Variants in NXPE1 observed in about 807,000 individuals in gnomAD.
The protein encoded by NXPE1 is neurexophilin and PC-esterase domain family member 1.
NXPE1 carries 31 observed loss-of-function variants against 33.3 expected under a neutral mutation model. The observed-to-expected ratio is 0.93, with a 90% CI of 0.70 to 1.26. The LOEUF (loss-of-function observed/expected upper bound fraction) is 1.26. Ranked by LOEUF, NXPE1 falls within the 50% of genes most tolerant of loss-of-function variation. The probability of loss-of-function intolerance (pLI) is 0.00; values close to 1 mark genes in which losing one functional copy is unlikely to be tolerated. For missense variants in NXPE1, 661 were observed against 655.6 expected, an observed-to-expected ratio of 1.01 and a Z score of -0.09; for synonymous variants, 229 against 231.4, an observed-to-expected ratio of 0.99 and a Z score of 0.09.
At chr11:114,545,241 T>C (rs1948234579) in intron 5 of NXPE1, among the ~76,000 whole-genome samples, 1 of 152,242 alleles carries the variant, frequency 6.6e-6, no homozygotes, top group Non-Finnish European at 1.5e-5. Context: ...TGAATGCTTA[T>C]GTCCACACAA....
chr11:114,530,951 C>A, intron 5 of NXPE1, 43 bp from the exon 6 acceptor site: 3 of 1,506,616 alleles, frequency 2.0e-6, no homozygotes, highest in Non-Finnish European at 2.6e-6. Flanking sequence ...ATTAACCTGT[C>A]TAATCATTTT....
chr11:114,549,097 AC>A (rs1195315925), intron 5 of NXPE1, among the ~76,000 whole-genome samples: 2 of 151,968 alleles, frequency 1.3e-5, no homozygotes, highest in East Asian at 3.9e-4. Context: ...GACCTGAGTG[AC>A]ATTAAAAAAA....
At chr11:114,519,735 G>A (rs1018167974), downstream of NXPE1, among the ~76,000 whole-genome samples, 2 of 152,076 alleles carry the variant, frequency 1.3e-5, no homozygotes, top group African/African-American at 2.4e-5. Flanking sequence ...TATTTGTCTT[G>A]TGTGTGGGAC....
At chr11:114,536,344 T>C (rs1947823158) in intron 5 of NXPE1, among the ~76,000 whole-genome samples, 1 of 151,858 alleles carries the variant, frequency 6.6e-6, no homozygotes, top group African/African-American at 2.4e-5. Context: ...AGATGAAAAA[T>C]TGACACCCTA....
At chr11:114,550,787 G>A (rs1948453048) in intron 5 of NXPE1, among the ~76,000 whole-genome samples, 1 of 152,094 alleles carries the variant, frequency 6.6e-6, no homozygotes, top group Admixed American at 6.6e-5. Flanking sequence ...ATGACAAGCT[G>A]GATTTACATG....
intron 7 of NXPE1, 91 bp from the exon 8 acceptor site, chr11:114,523,182 C>T: frequency 2.2e-6 from 2 of 905,218 alleles, no homozygotes; most frequent in Non-Finnish European, 3.5e-6. Context: ...GCTCTCTTTC[C>T]CCCTTCCTGT....
At chr11:114,553,878 G>C (rs1342790566) in intron 1 of NXPE1, 1 of 965,950 alleles carries the variant, frequency 1.0e-6, no homozygotes, top group Non-Finnish European at 1.2e-6. Context: ...GCCATGATGG[G>C]TACATTTAGA....
chr11:114,549,271 C>T (rs1455652), intron 5 of NXPE1, among the ~76,000 whole-genome samples: 25,145 of 151,836 alleles, frequency 0.17, 2,323 homozygotes, highest in African/African-American at 0.23. Context: ...TCAATTCTTA[C>T]GAAATAAGTA....
chr11:114,539,320 T>C (rs1947991822), intron 5 of NXPE1, among the ~76,000 whole-genome samples: 1 of 151,426 alleles, frequency 6.6e-6, no homozygotes, highest in South Asian at 2.1e-4. Context: ...CATTAGGAGA[T>C]ATACCTATTG....
intron 5 of NXPE1, among the ~76,000 whole-genome samples, chr11:114,540,861 TTTTTTTTTTTTTTTTTTTTTTTTTG>T (rs1488220753): frequency 1.5e-4 from 10 of 67,272 alleles, no homozygotes; most frequent in African/African-American, 1.2e-3. Flanking sequence ...TTTTTTTTTT[TTTTTTTTTTTTTTTTTTTTTTTTTG>T]GCTTGAACAA....
At chr11:114,530,021 A>G in intron 6 of NXPE1, 154 bp downstream of exon 6, 1 of 713,320 alleles carries the variant, frequency 1.4e-6, no homozygotes, top group Non-Finnish European at 2.3e-6. Flanking sequence ...ACTTTGGCCT[A>G]GAGTGGTGAG....
rs754802719 is a variant in NXPE1, at chr11:114,540,885, T to TTTTTTTTTTTTTTTTG, written c.100-9978_100-9977insCAAAAAAAAAAAAAAA. 3.7e-5 allele frequency among the ~76,000 whole-genome samples: 3 copies of TTTTTTTTTTTTTTTTG among 81,242 alleles called. 1 individual carries two copies. Among genetic ancestry groups the TTTTTTTTTTTTTTTTG allele is most frequent in the Non-Finnish European group, 7.4e-5 (3 of 40,696 alleles). 53.3% of individuals were successfully genotyped at this position (81,242 alleles called of 152,430 possible). A position where few individuals can be genotyped will look rare whatever the true frequency, so the allele number is the denominator to read the frequency against. ...TTTTTTTTTTTTTTTTTTTTTTTTT[T>TTTTTTTTTTTTTTTTG]GGCTTGAACAACCTGAGAGCAGAGT... On this transcript the variant is annotated intron_variant, in intron 5 of 8. Coordinates refer to ENST00000534921, the Ensembl canonical transcript of NXPE1.
At chr11:114,529,658 A>C (rs910473043) in intron 6 of NXPE1, 11 of 159,046 alleles carry the variant, frequency 6.9e-5, no homozygotes, top group Admixed American at 2.3e-4. Context: ...CATGGGATCA[A>C]CTGGAGAAAA....
intron 1 of NXPE1, among the ~76,000 whole-genome samples, chr11:114,556,699 A>G (rs989780605): frequency 2.0e-5 from 3 of 151,480 alleles, no homozygotes; most frequent in Non-Finnish European, 4.4e-5. Context: ...TTTAAAATGT[A>G]TTTTTTTCCA....
In NXPE1 at chr11:114,552,892, G is replaced by A; in HGVS notation, c.-210-12C>T. ...TAGCACAGAATGCACTGAAAATAAG[G>A]AGAAGCAGCAAAATTAATGAAATAA... On this transcript the variant is annotated splice_polypyrimidine_tract_variant and intron_variant, in intron 1 of 8. Coordinates refer to ENST00000534921, the Ensembl canonical transcript of NXPE1. 1.0e-6 allele frequency: 1 copy of A among 973,936 alleles called. No individual in the cohort carries two copies. The highest frequency in any genetic ancestry group is 1.2e-6 in the Non-Finnish European group (1 of 819,660). 60.3% of individuals were successfully genotyped at this position (973,936 alleles called of 1,614,324 possible). A position where few individuals can be genotyped will look rare whatever the true frequency, so the allele number is the denominator to read the frequency against.
intron 5 of NXPE1, among the ~76,000 whole-genome samples, chr11:114,538,974 C>T (rs1334746151): frequency 6.6e-6 from 1 of 151,136 alleles, no homozygotes; most frequent in Non-Finnish European, 1.5e-5. Flanking sequence ...GCTATAAAGA[C>T]ACATGCACAC....
At chr11:114,533,510 A>G (rs1221623739) in intron 5 of NXPE1, among the ~76,000 whole-genome samples, 1 of 152,228 alleles carries the variant, frequency 6.6e-6, no homozygotes, top group South Asian at 2.1e-4. Flanking sequence ...GGGAAGCACA[A>G]GCGGTCAGGG....
At chr11:114,528,764 C>T (rs1434961358) in intron 6 of NXPE1, 1 of 627,672 alleles carries the variant, frequency 1.6e-6, no homozygotes, top group Admixed American at 2.1e-5. Context: ...AATGAGGACC[C>T]AGGTGCCAAG....
intron 5 of NXPE1, among the ~76,000 whole-genome samples, chr11:114,536,256 CA>C (rs1261264028): frequency 1.3e-5 from 2 of 152,078 alleles, no homozygotes; most frequent in African/African-American, 4.8e-5. Flanking sequence ...CACAACATAC[CA>C]GAATCTCTGG....
Sources: allele counts gnomAD v4.1 joint callset (sites outside exome capture counted in the v4.1 genomes callset), GRCh38; gene constraint gnomAD v4.1.1; transcripts MANE v1.5; gene names NCBI Gene and HGNC (gene_info 2026-07-23, HGNC 2026-07-21).